The following FBXL7 variants were observed in gnomAD, a reference collection of about 807,000 sequenced individuals.
FBXL7 encodes the protein F-box/LRR-repeat protein 7.
A neutral mutation model predicts 38.3 loss-of-function variants in FBXL7; 12 were observed. The ratio of observed to expected loss-of-function variants is 0.31; its 90% confidence interval spans 0.20 to 0.51. The LOEUF is 0.51. Among genes scored for constraint, FBXL7 ranks in the 20% least tolerant of loss-of-function variants. The pLI is 0.98. For missense variants in FBXL7, 567 were observed against 676.4 expected (o/e 0.84, Z 1.79); for synonymous variants, 297 against 300.9 (o/e 0.99, Z 0.13).
chr5:15,931,069 A>G (rs966888124), intron 3 of FBXL7, among the ~76,000 whole-genome samples: 2 of 152,220 alleles, frequency 1.3e-5, no homozygotes, highest in Non-Finnish European at 2.9e-5. Flanking sequence ...TCCTATCCCT[A>G]GCATGCAGAA....
At chr5:15,879,267 G>C (rs1447176826) in intron 2 of FBXL7, among the ~76,000 whole-genome samples, 1 of 152,202 alleles carries the variant, frequency 6.6e-6, no homozygotes, top group South Asian at 2.1e-4. Flanking sequence ...CTGATTCTCA[G>C]TTGTGAAGGG....
chr5:15,629,692 G>T (rs562464301), intron 2 of FBXL7, among the ~76,000 whole-genome samples: 1 of 152,114 alleles, frequency 6.6e-6, no homozygotes, highest in Non-Finnish European at 1.5e-5. Context: ...AGTCTTTTGA[G>T]GTAGGAATTG....
rs1330377273 is a variant in FBXL7 at position 15,928,047 on chromosome 5, C to T, written c.285C>T (p.Arg95=). 2.6e-6 allele frequency: 2 copies of T among 771,512 alleles called. No homozygotes were observed. Among genetic ancestry groups the T allele is most frequent in the African/African-American group, 3.6e-5 (2 of 55,344 alleles). The allele number at this position is 771,512 out of a possible 1,614,324, so 47.8% of individuals were successfully genotyped here. ...VAMVHSPPPT[R]LTHPLIRLAS... is the part of the protein sequence containing the mutation. ...TGGTGCACTCCCCGCCCCCGACCCG[C>T]CTCACACACCCGCTCATCCGGCTCG... The change falls in exon 3 of 4, where the codon CGC becomes CGT. Residue 95 remains arginine (R), a synonymous_variant. Coordinates refer to ENST00000504595, the MANE Select transcript of FBXL7 (RefSeq NM_012304.5). This position sits in a 1 kb window ranked among gnomAD's most constrained non-coding sequence, Gnocchi z 4.0.
At chr5:15,572,925 C>T (rs897591568) in intron 1 of FBXL7, among the ~76,000 whole-genome samples, 2 of 152,102 alleles carry the variant, frequency 1.3e-5, no homozygotes, top group Admixed American at 6.6e-5. Flanking sequence ...TTATGTTGAA[C>T]CAGGTTTACC....
chr5:15,640,814 G>A (rs960506689), intron 2 of FBXL7, among the ~76,000 whole-genome samples: 9 of 152,178 alleles, frequency 5.9e-5, no homozygotes, highest in East Asian at 1.9e-4. Context: ...GATAGCCACC[G>A]TGCCTGGCCG....
At position 15,790,291 on chromosome 5, in the gene FBXL7, G is replaced by C. The variant is rs187483582; in HGVS notation, c.128-137599G>C. 3.2e-4 allele frequency among the ~76,000 whole-genome samples: 48 copies of C among 152,190 alleles called. 1 individual carries two copies. The highest frequency in any genetic ancestry group is 1.1e-3 in the African/African-American group (44 of 41,538). On this transcript the variant is annotated intron_variant, in intron 2 of 3. Transcript: ENST00000504595. ...AGCTTTCCTCTGAGCACAGAATCTGGAGTCTGACCACCTGGAGTTCAGTGA... is the reference window on the plus strand; with the variant it reads ...AGCTTTCCTCTGAGCACAGAATCTGCAGTCTGACCACCTGGAGTTCAGTGA...
intron 2 of FBXL7, among the ~76,000 whole-genome samples, chr5:15,682,184 A>G (rs527384948): frequency 6.6e-6 from 1 of 152,362 alleles, no homozygotes; most frequent in Admixed American, 6.5e-5. Context: ...GGCTTTATCC[A>G]TCATAGGTGA....
intron 1 of FBXL7, among the ~76,000 whole-genome samples, chr5:15,584,125 C>A (rs1364671432): frequency 6.6e-6 from 1 of 152,158 alleles, no homozygotes; most frequent in Non-Finnish European, 1.5e-5. Context: ...GGCACCAAAT[C>A]TTGGGGCTGC....
chr5:15,634,309 G>A (rs929013506), intron 2 of FBXL7, among the ~76,000 whole-genome samples: 16 of 102,024 alleles, frequency 1.6e-4, no homozygotes, highest in African/African-American at 4.5e-4. Context: ...TTATATGTTC[G>A]TTTCTTTTTT....
At chr5:15,541,482 A>ATATATATATATAT (rs1737752111) in intron 1 of FBXL7, among the ~76,000 whole-genome samples, 1 of 32,656 alleles carries the variant, frequency 3.1e-5, no homozygotes, top group Non-Finnish European at 7.2e-5. Context: ...TATATATATA[A>ATATATATATATAT]AGGTATAGCC....
chr5:15,755,100 A>T (rs77974898), intron 2 of FBXL7, among the ~76,000 whole-genome samples: 2,951 of 152,280 alleles, frequency 0.019, 81 homozygotes, highest in African/African-American at 0.063. Context: ...AATTATTGAA[A>T]CACTTTCCAA....
chr5:15,927,722 C>T (rs1741913243), intron 2 of FBXL7, among the ~76,000 whole-genome samples, 168 bp from the exon 3 acceptor site: 1 of 141,462 alleles, frequency 7.1e-6, no homozygotes, highest in African/African-American at 2.7e-5. Context: ...TTGCCATGAG[C>T]CAAGATCACG....
chr5:15,508,429 A>C (rs1736704077), intron 1 of FBXL7, among the ~76,000 whole-genome samples: 1 of 152,248 alleles, frequency 6.6e-6, no homozygotes, highest in African/African-American at 2.4e-5. Flanking sequence ...TACATAAGTT[A>C]CAAGAAGTTA....
intron 2 of FBXL7, among the ~76,000 whole-genome samples, chr5:15,863,880 C>T (rs914870566): frequency 1.3e-5 from 2 of 152,102 alleles, no homozygotes; most frequent in African/African-American, 4.8e-5. Context: ...AGCTGTTGGC[C>T]CTCACTAGAT....
chr5:15,596,022 A>G (rs1218470452), intron 1 of FBXL7, among the ~76,000 whole-genome samples: 1 of 152,248 alleles, frequency 6.6e-6, no homozygotes, highest in Non-Finnish European at 1.5e-5. Flanking sequence ...TTAAGGGGAC[A>G]TCGCAGTCCT....
At position 15,613,772 on chromosome 5, in the gene FBXL7, A is replaced by C. The variant is rs551270481; in HGVS notation, c.38-2211A>C. ...TTATGCCACCTAACTAGAGTTCTGT[A>C]CTGTCTTAGTCCATTCGGGCTGTTA... On this transcript the variant is annotated intron_variant, in intron 1 of 3. Coordinates refer to ENST00000504595, the MANE Select transcript of FBXL7 (RefSeq NM_012304.5). Among the ~76,000 whole-genome samples, 193 of 152,310 alleles carry C rather than the reference A, an allele frequency of 1.3e-3. 1 individual carries two copies. Among genetic ancestry groups the C allele is most frequent in the Non-Finnish European group, 2.5e-3 (171 of 68,026 alleles).
At chr5:15,893,372 A>G (rs947044381) in intron 2 of FBXL7, among the ~76,000 whole-genome samples, 4 of 152,230 alleles carry the variant, frequency 2.6e-5, no homozygotes, top group Non-Finnish European at 5.9e-5. Flanking sequence ...GTTAATTTGT[A>G]TTCATTTTAA....
chr5:15,757,362 C>T (rs191499626), intron 2 of FBXL7, among the ~76,000 whole-genome samples: 4 of 152,268 alleles, frequency 2.6e-5, no homozygotes, highest in Admixed American at 2.0e-4. Context: ...TGGGCACTTA[C>T]ATTCCTTTGC....
At chr5:15,680,940 C>T (rs2126609850) in intron 2 of FBXL7, among the ~76,000 whole-genome samples, 1 of 152,258 alleles carries the variant, frequency 6.6e-6, no homozygotes, top group African/African-American at 2.4e-5. Flanking sequence ...CCTCTAAGTT[C>T]ATGCCATTGA....
Sources: gnomAD v4.1 joint callset for allele counts (sites outside exome capture counted in the v4.1 genomes callset) on GRCh38, gnomAD v4.1.1 for gene constraint, Gnocchi (gnomAD v3.1) non-coding constraint, MANE v1.5 for transcripts, NCBI Gene and HGNC (gene_info 2026-07-23, HGNC 2026-07-21) for gene names.